KCND2: variants seen among roughly 807,000 people sequenced by gnomAD.
KCND2 encodes potassium voltage-gated channel subfamily D member 2, also known as A-type voltage-gated potassium channel KCND2.
A neutral mutation model predicts 54.4 loss-of-function variants in KCND2; 16 were observed. The ratio of observed to expected loss-of-function variants is 0.29; its 90% CI spans 0.20 to 0.45. The LOEUF (loss-of-function observed/expected upper bound fraction) is 0.45, where lower values mean the gene tolerates loss of function less well. KCND2 is among the 20% of genes least tolerant of loss of function. The pLI is 1.00. For synonymous variants in KCND2, 317 were observed against 310.7 expected, an observed-to-expected ratio of 1.02 and a Z score of -0.21; for missense variants, 486 against 824.2, an observed-to-expected ratio of 0.59 and a Z score of 5.02.
intron 1 of KCND2, among the ~76,000 whole-genome samples, chr7:120,687,269 G>A (rs1792213900): frequency 1.3e-5 from 2 of 152,102 alleles, no homozygotes; most frequent in Admixed American, 6.6e-5. Flanking sequence ...GTTGCTGGGG[G>A]TTAAGGGGAG....
chr7:120,548,844 G>T (rs1415901468), intron 1 of KCND2, among the ~76,000 whole-genome samples: 3 of 152,082 alleles, frequency 2.0e-5, no homozygotes, highest in African/African-American at 7.2e-5. Flanking sequence ...CTGTAAAAAG[G>T]GATGGACCAG....
chr7:120,588,277 T>C (rs1382188621), intron 1 of KCND2, among the ~76,000 whole-genome samples: 1 of 152,304 alleles, frequency 6.6e-6, no homozygotes, highest in South Asian at 2.1e-4. Flanking sequence ...TTTTAACTGA[T>C]ATTTTGTAAT....
At chr7:120,717,073 A>G (rs1792612417) in intron 1 of KCND2, among the ~76,000 whole-genome samples, 1 of 152,152 alleles carries the variant, frequency 6.6e-6, no homozygotes, top group Admixed American at 6.6e-5. Flanking sequence ...ATATCTCATT[A>G]TACTCTACTC....
intron 1 of KCND2, among the ~76,000 whole-genome samples, chr7:120,375,411 A>G (rs762011502): frequency 6.6e-6 from 1 of 151,828 alleles, no homozygotes; most frequent in Non-Finnish European, 1.5e-5. Flanking sequence ...AGGTGGCATA[A>G]TGCTTATTAC....
At chr7:120,495,979 TG>T (rs1416662488) in intron 1 of KCND2, among the ~76,000 whole-genome samples, 6 of 152,040 alleles carry the variant, frequency 3.9e-5, no homozygotes, top group African/African-American at 1.4e-4. Flanking sequence ...ACATGAGAAA[TG>T]GGCAAAAATC....
At position 120,749,785 on chromosome 7, in the gene KCND2, AATTAT is replaced by A. The variant is rs914574862; in HGVS notation, c.*1932_*1936del. ...ATTTTCCAGCAGTACAAATATTAACAATTATATTAACACCTGCCTCATGTCAGTTT... is the reference window on the plus strand; with the variant it reads ...ATTTTCCAGCAGTACAAATATTAACAATTAACACCTGCCTCATGTCAGTTT... On this transcript the variant is annotated 3_prime_UTR_variant, in exon 6 of 6. Transcript: ENST00000331113. The A allele has an allele frequency of 1.3e-5, 2 of 152,196 alleles. No homozygotes were observed. Among genetic ancestry groups the A allele is most frequent in the African/African-American group, 2.4e-5 (1 of 41,444 alleles). The allele number at this position is 152,196 out of a possible 1,614,324, so 9.4% of individuals were successfully genotyped here.
At chr7:120,379,707 G>A (rs1171927677) in intron 1 of KCND2, among the ~76,000 whole-genome samples, 1 of 151,888 alleles carries the variant, frequency 6.6e-6, no homozygotes, top group African/African-American at 2.4e-5. Context: ...TGTGACTGGG[G>A]CAAATATGTC....
chr7:120,596,673 TAA>T (rs1408291409), intron 1 of KCND2, among the ~76,000 whole-genome samples: 1 of 152,182 alleles, frequency 6.6e-6, no homozygotes, highest in Non-Finnish European at 1.5e-5. Flanking sequence ...GTCTGGTAAA[TAA>T]AATCTATCTA....
At chr7:120,363,026 G>A (rs1412827490) in intron 1 of KCND2, among the ~76,000 whole-genome samples, 1 of 151,932 alleles carries the variant, frequency 6.6e-6, no homozygotes, top group African/African-American at 2.4e-5. Flanking sequence ...AGTCAGGCAG[G>A]GTGTCGTGGC....
intron 1 of KCND2, among the ~76,000 whole-genome samples, chr7:120,469,063 G>A (rs539004561): frequency 1.3e-5 from 2 of 152,066 alleles, no homozygotes; most frequent in African/African-American, 2.4e-5. Context: ...CATCCTCAGA[G>A]TGCCACTCTC....
intron 1 of KCND2, among the ~76,000 whole-genome samples, chr7:120,333,804 T>C (rs189171109): frequency 2.6e-5 from 4 of 152,286 alleles, no homozygotes; most frequent in Admixed American, 2.6e-4. Context: ...AAATAAATTA[T>C]GGTTGCTCAG....
At chr7:120,296,569 C>G (rs1057163984) in intron 1 of KCND2, among the ~76,000 whole-genome samples, 1 of 151,978 alleles carries the variant, frequency 6.6e-6, no homozygotes, top group African/African-American at 2.4e-5. Context: ...CTTAAGAAAG[C>G]CTTTTTAGTT....
At chr7:120,352,490 A>T (rs1174589159) in intron 1 of KCND2, among the ~76,000 whole-genome samples, 1 of 150,018 alleles carries the variant, frequency 6.7e-6, no homozygotes, top group Non-Finnish European at 1.5e-5. Flanking sequence ...ACACACACAC[A>T]CACACACAAC....
At chr7:120,566,577 T>G (rs1334011105) in intron 1 of KCND2, among the ~76,000 whole-genome samples, 2 of 152,056 alleles carry the variant, frequency 1.3e-5, no homozygotes, top group Non-Finnish European at 2.9e-5. Flanking sequence ...AACCCCTGGG[T>G]TCAGGCAATC....
At chr7:120,321,366 T>G (rs1216221687) in intron 1 of KCND2, among the ~76,000 whole-genome samples, 2 of 152,158 alleles carry the variant, frequency 1.3e-5, no homozygotes, top group African/African-American at 4.8e-5. Context: ...ACTCCTGACC[T>G]TAAGCAATCC....
intron 1 of KCND2, among the ~76,000 whole-genome samples, chr7:120,541,014 G>A (rs1458922972): frequency 6.6e-6 from 1 of 152,032 alleles, no homozygotes; most frequent in Non-Finnish European, 1.5e-5. Context: ...ATATGAAAAC[G>A]TAGAACAATA....
chr7:120,353,337 G>A (rs1382679276), intron 1 of KCND2, among the ~76,000 whole-genome samples: 9 of 151,894 alleles, frequency 5.9e-5, no homozygotes, highest in Non-Finnish European at 1.2e-4. Context: ...TGAATGGGAG[G>A]AGGAGACTAA....
Position 120,677,524 on chromosome 7 carries a change from T to TATATAG in KCND2, c.1116-55355_1116-55350dup, listed in dbSNP as rs1554384942. The stretch of plus-strand genomic sequence containing the variant: ...TTGGTGGTAAGAATTCAAATATATA[T>TATATAG]ATATAGATATAGATATAGATATAGA... On this transcript the variant is annotated intron_variant, in intron 1 of 5. Transcript: ENST00000331113. Among the ~76,000 whole-genome samples, 1,215 of 128,962 alleles carry TATATAG rather than the reference T, an allele frequency of 9.4e-3. 20 individuals are homozygous for TATATAG. The highest frequency in any genetic ancestry group is 0.045 in the East Asian group (228 of 5,016). 84.6% of individuals were successfully genotyped at this position (128,962 alleles called of 152,430 possible).
intron 1 of KCND2, among the ~76,000 whole-genome samples, chr7:120,508,891 A>ATT (rs57245091): frequency 3.6e-5 from 5 of 138,242 alleles, no homozygotes; most frequent in African/African-American, 8.3e-5. Flanking sequence ...GCCTTTCACG[A>ATT]TTTTTTTTTT....
Sources: allele counts gnomAD v4.1 joint callset (sites outside exome capture counted in the v4.1 genomes callset), GRCh38; gene constraint gnomAD v4.1.1; transcripts MANE v1.5; gene names NCBI Gene and HGNC (gene_info 2026-07-23, HGNC 2026-07-21).